Variants in KMT2E observed in about 807,000 individuals in gnomAD.
KMT2E encodes the protein lysine methyltransferase 2E (inactive).
Under a neutral mutation model 184.6 loss-of-function variants are expected in KMT2E, and 30 were observed. The ratio of observed to expected loss-of-function variants is 0.16; its 90% CI spans 0.12 to 0.22. The LOEUF (loss-of-function observed/expected upper bound fraction) is 0.22. Ranked by LOEUF, KMT2E falls within the 10% of genes least tolerant of loss-of-function variation. The pLI is 1.00. For synonymous variants in KMT2E, 815 were observed against 776.5 expected (o/e 1.05, Z -0.82); for missense variants, 2,023 against 2,237.4 (o/e 0.90, Z 1.93).
intron 1 of KMT2E, among the ~76,000 whole-genome samples, chr7:105,033,851 T>G (rs1270594475): frequency 6.6e-6 from 1 of 152,102 alleles, no homozygotes; most frequent in Non-Finnish European, 1.5e-5. Context: ...AGAAGCATGG[T>G]GGCATCACAA....
intron 15 of KMT2E, among the ~76,000 whole-genome samples, chr7:105,097,510 C>G (rs1337220177): frequency 6.6e-6 from 1 of 152,092 alleles, no homozygotes. Context: ...CTCAGCCTCC[C>G]AAGTAGCTGG....
intron 12 of KMT2E, among the ~76,000 whole-genome samples, chr7:105,080,836 C>T (rs955936136): frequency 7.9e-5 from 12 of 151,742 alleles, no homozygotes; most frequent in Non-Finnish European, 1.5e-5. Flanking sequence ...CATGGTGAAA[C>T]CCCATCCCTA....
At chr7:105,054,126 A>G (rs1229556907) in intron 3 of KMT2E, among the ~76,000 whole-genome samples, 2 of 152,056 alleles carry the variant, frequency 1.3e-5, no homozygotes, top group Non-Finnish European at 2.9e-5. Flanking sequence ...GAGCTGAGAT[A>G]CATCACTGCA....
intron 1 of KMT2E, among the ~76,000 whole-genome samples, chr7:105,024,184 A>T (rs1213515388): frequency 1.3e-5 from 2 of 152,242 alleles, no homozygotes; most frequent in African/African-American, 4.8e-5. Flanking sequence ...TGAGAAAATT[A>T]AGATAATCAT....
At chr7:105,089,972 T>C (rs1798134270) in intron 13 of KMT2E, 37 bp from the exon 14 acceptor site, 2 of 1,586,184 alleles carry the variant, frequency 1.3e-6, no homozygotes, top group Non-Finnish European at 1.7e-6. Context: ...TTTTGTTTTA[T>C]ATTTTGAAAT....
intron 6 of KMT2E, among the ~76,000 whole-genome samples, chr7:105,071,556 A>G (rs12171585): frequency 0.21 from 22,849 of 110,862 alleles, 2,831 homozygotes; most frequent in East Asian, 0.62. Flanking sequence ...GTGTGTGTGT[A>G]TGTATGTATG....
At chr7:105,090,927 A>G (rs1798176694) in intron 14 of KMT2E, among the ~76,000 whole-genome samples, 1 of 152,158 alleles carries the variant, frequency 6.6e-6, no homozygotes, top group Non-Finnish European at 1.5e-5. Flanking sequence ...TTCTGAAATA[A>G]TTTATATGTT....
At chr7:105,078,641 T>C (rs991020262) in intron 11 of KMT2E, among the ~76,000 whole-genome samples, 1 of 143,190 alleles carries the variant, frequency 7.0e-6, no homozygotes, top group Non-Finnish European at 1.5e-5. Flanking sequence ...TACAGGCACA[T>C]GCTACCATGC....
At chr7:105,035,022 ATTT>A (rs981054177) in intron 1 of KMT2E, among the ~76,000 whole-genome samples, 2 of 129,696 alleles carry the variant, frequency 1.5e-5, no homozygotes, top group Non-Finnish European at 1.7e-5. Flanking sequence ...CACCTGGCTA[ATTT>A]TTTTTTTTTT....
In KMT2E at chr7:105,114,004, T is replaced by TTTA. The variant is rs1799474374; in HGVS notation, c.*674_*676dup. On this transcript the variant is annotated 3_prime_UTR_variant, in exon 27 of 27. Coordinates refer to ENST00000311117, the MANE Select transcript of KMT2E (RefSeq NM_182931.3). ...ACAGTATATGACCTTTAATTTCTTTTTTATTTTAAATATACTGTCACACTG... is the reference window on the plus strand; with the variant it reads ...ACAGTATATGACCTTTAATTTCTTTTTTATTATTTTAAATATACTGTCACACTG... 6.5e-6 allele frequency: 1 copy of TTTA among 152,742 alleles called. No individual in the cohort carries two copies. The highest frequency in any genetic ancestry group is 2.4e-5 in the African/African-American group (1 of 41,458). 9.5% of individuals were successfully genotyped at this position (152,742 alleles called of 1,614,324 possible).
chr7:105,035,265 C>T (rs377534505), intron 1 of KMT2E, among the ~76,000 whole-genome samples: 3 of 151,886 alleles, frequency 2.0e-5, no homozygotes, highest in African/African-American at 2.4e-5. Context: ...ATCTCCTGAC[C>T]GTGTGATCTG....
Position 105,105,494 on chromosome 7 carries a change from A to G in KMT2E, c.2252A>G (p.Asp751Gly). Reference sequence around the variant, plus strand: ...AATGAGAAGACAGGAAAACCTTCAGATGGCCTTTCAGAAAGGCCTCTACGC... The same window carrying G: ...AATGAGAAGACAGGAAAACCTTCAGGTGGCCTTTCAGAAAGGCCTCTACGC... ...EKNEKTGKPS[D>G]GLSERPLRIT... The change falls in exon 18 of 27, where the codon GAT becomes GGT. Residue 751 changes from aspartate to glycine, a missense_variant. Around this residue, in one of 8 missense-constraint regions of KMT2E, gnomAD observed 514 missense variants for 621.8 expected, o/e 0.83. Transcript: ENST00000311117. The G allele has an allele frequency of 6.2e-7, 1 of 1,611,302 alleles. No homozygotes were observed.
chr7:105,087,320 A>G (rs182105554), intron 13 of KMT2E, among the ~76,000 whole-genome samples: 7 of 147,552 alleles, frequency 4.7e-5, no homozygotes, highest in African/African-American at 1.7e-4. Context: ...TAAATATAGC[A>G]TATATTACAT....
intron 1 of KMT2E, among the ~76,000 whole-genome samples, chr7:105,015,735 T>C (rs1174985351): frequency 1.3e-5 from 2 of 152,138 alleles, no homozygotes; most frequent in Non-Finnish European, 2.9e-5. Context: ...CCCCATGCAG[T>C]GCGTTTGTCT....
At chr7:105,076,699 G>A (rs1468429800) in intron 9 of KMT2E, among the ~76,000 whole-genome samples, 1 of 152,160 alleles carries the variant, frequency 6.6e-6, no homozygotes, top group Non-Finnish European at 1.5e-5. Flanking sequence ...TCTGGCTTAG[G>A]TAGAAAAGGA....
At chr7:105,032,547 G>A (rs180970106) in intron 1 of KMT2E, among the ~76,000 whole-genome samples, 12 of 152,192 alleles carry the variant, frequency 7.9e-5, no homozygotes, top group South Asian at 2.1e-4. Flanking sequence ...TGTTCCCCAC[G>A]CTGGAGTACA....
chr7:105,110,189 C>T, intron 23 of KMT2E, 91 bp from the exon 24 acceptor site: 2 of 1,012,850 alleles, frequency 2.0e-6, no homozygotes, highest in Non-Finnish European at 3.1e-6. Context: ...GATCAAAAGC[C>T]TTGGTCTGAC....
Position 105,063,221 on chromosome 7 carries a change from A to G in KMT2E, c.187-130A>G, listed in dbSNP as rs987533716. ...ACCAAGTCATTTTTTTAATGGTATT[A>G]AGGAAGGAATGAGCCAGTCTCATAT... On this transcript the variant is annotated intron_variant, in intron 4 of 26. Coordinates refer to ENST00000311117, the MANE Select transcript of KMT2E (RefSeq NM_182931.3). The G allele has an allele frequency of 6.3e-6, 4 of 634,480 alleles. No homozygotes were observed. In the African/African-American group the frequency reaches 7.5e-5, roughly 12 times the overall value. 39.3% of individuals were successfully genotyped at this position (634,480 alleles called of 1,614,324 possible).
intron 3 of KMT2E, among the ~76,000 whole-genome samples, chr7:105,059,888 T>G (rs1796722722): frequency 6.6e-6 from 1 of 151,818 alleles, no homozygotes; most frequent in Non-Finnish European, 1.5e-5. Flanking sequence ...ATGTATTAAT[T>G]TTGAAATTAA....
Sources: gnomAD v4.1 joint callset for allele counts (sites outside exome capture counted in the v4.1 genomes callset) on GRCh38, gnomAD v4.1.1 for gene constraint, gnomAD v4.1.1 regional missense constraint, MANE v1.5 for transcripts, NCBI Gene and HGNC (gene_info 2026-07-23, HGNC 2026-07-21) for gene names.